The following FEZ2 variants were observed in gnomAD, a reference collection of about 807,000 sequenced individuals.
The protein encoded by FEZ2 is fasciculation and elongation protein zeta 2.
A neutral mutation model predicts 40.4 loss-of-function variants in FEZ2; 51 were observed. That is an observed-to-expected ratio of 1.26 (90% CI 1.01 to 1.59). The LOEUF (loss-of-function observed/expected upper bound fraction) is 1.59. FEZ2 is among the 40% of genes most tolerant of loss of function. FEZ2 has a pLI of 0.00. For missense variants in FEZ2, 640 were observed against 438.3 expected, an observed-to-expected ratio of 1.46 and a Z score of -4.11; for synonymous variants, 242 against 172.0, an observed-to-expected ratio of 1.41 and a Z score of -3.18.
intron 5 of FEZ2, among the ~76,000 whole-genome samples, chr2:36,565,860 C>T (rs796548119): frequency 3.3e-5 from 5 of 152,182 alleles, no homozygotes; most frequent in African/African-American, 1.2e-4. Flanking sequence ...ACCAGGATGC[C>T]AGCAGTACCA....
At chr2:36,554,203 G>C (rs1356902269) in intron 7 of FEZ2, 3 of 471,202 alleles carry the variant, frequency 6.4e-6, no homozygotes, top group African/African-American at 6.0e-5. Context: ...ATGAGGAGCA[G>C]AATTAGATGG....
intron 5 of FEZ2, among the ~76,000 whole-genome samples, chr2:36,573,639 T>C (rs963201083): frequency 1.3e-5 from 2 of 152,232 alleles, no homozygotes; most frequent in Non-Finnish European, 2.9e-5. Context: ...TTTAAAGAGC[T>C]TGCACTCTGT....
chr2:36,588,873 T>C (rs992772230), intron 2 of FEZ2, among the ~76,000 whole-genome samples: 2 of 152,088 alleles, frequency 1.3e-5, no homozygotes, highest in African/African-American at 4.8e-5. Flanking sequence ...GTCAATGAAA[T>C]TGGATTAAAC....
intron 2 of FEZ2, among the ~76,000 whole-genome samples, chr2:36,588,757 GTGT>G (rs1668981589): frequency 6.6e-6 from 1 of 151,076 alleles, no homozygotes; most frequent in African/African-American, 2.4e-5. Context: ...TTCAATTGTT[GTGT>G]TGTTATTTTA....
intron 5 of FEZ2, among the ~76,000 whole-genome samples, chr2:36,571,916 G>A (rs1006624055): frequency 6.6e-6 from 1 of 150,388 alleles, no homozygotes; most frequent in African/African-American, 2.4e-5. Flanking sequence ...TCGGGAGGCT[G>A]AGGCAGGAGA....
chr2:36,578,259 A>G (rs961765548), intron 5 of FEZ2, among the ~76,000 whole-genome samples: 3 of 152,248 alleles, frequency 2.0e-5, no homozygotes, highest in African/African-American at 7.2e-5. Flanking sequence ...CCAAATATAC[A>G]TAACCACTCT....
At chr2:36,584,663 A>G (rs1410229292) in intron 2 of FEZ2, among the ~76,000 whole-genome samples, 1 of 152,242 alleles carries the variant, frequency 6.6e-6, no homozygotes, top group Non-Finnish European at 1.5e-5. Flanking sequence ...ATTCTATTAC[A>G]TAGTGTAGAA....
intron 5 of FEZ2, among the ~76,000 whole-genome samples, chr2:36,566,956 ACT>A (rs3841897): frequency 8.6e-5 from 13 of 150,376 alleles, no homozygotes; most frequent in African/African-American, 1.7e-4. Flanking sequence ...ACACACACAC[ACT>A]CTCTCTCTCT....
At position 36,580,901 on chromosome 2, in the gene FEZ2, TG is replaced by T. The variant is rs1668719581; in HGVS notation, c.634+388del. ...GGCAATGGTGGCTCACGCCTGTAAC[TG>T]CAGCACTTTGGGAGGCTAAGGCGGG... On this transcript the variant is annotated intron_variant, in intron 4 of 7. Transcript: ENST00000405912. Among the ~76,000 whole-genome samples, 35 of 152,262 alleles carry T rather than the reference TG, an allele frequency of 2.3e-4. 1 individual carries two copies. The South Asian group carries it at 7.0e-3, about 31-fold the overall frequency.
At chr2:36,591,195 A>G (rs765683560) in intron 1 of FEZ2, 184 bp from the exon 2 acceptor site, 9 of 589,104 alleles carry the variant, frequency 1.5e-5, no homozygotes, top group Non-Finnish European at 2.7e-5. Flanking sequence ...GAAAAATCAC[A>G]TAACTGGGCT....
intron 1 of FEZ2, among the ~76,000 whole-genome samples, chr2:36,596,323 G>C (rs923852739): frequency 1.3e-5 from 2 of 152,144 alleles, no homozygotes; most frequent in African/African-American, 2.4e-5. Flanking sequence ...AAATCTGTTT[G>C]TTTCACAAAG....
intron 2 of FEZ2, chr2:36,590,620 G>A: frequency 3.3e-6 from 1 of 298,688 alleles, no homozygotes; most frequent in Non-Finnish European, 6.2e-6. Flanking sequence ...GTAAGCCACT[G>A]TACTCCAGCC....
intron 3 of FEZ2, 157 bp from the exon 4 acceptor site, chr2:36,581,588 T>G (rs2125236151): frequency 3.1e-6 from 2 of 635,740 alleles, no homozygotes; most frequent in Middle Eastern, 5.1e-4. Context: ...ATCAAAATTT[T>G]TACTGTAGGA....
At chr2:36,595,163 G>A (rs1178704807) in intron 1 of FEZ2, among the ~76,000 whole-genome samples, 1 of 152,188 alleles carries the variant, frequency 6.6e-6, no homozygotes, top group Non-Finnish European at 1.5e-5. Context: ...CTGAGGCTCA[G>A]AGAAGTTAAA....
intron 5 of FEZ2, among the ~76,000 whole-genome samples, chr2:36,566,288 C>A (rs1321058371): frequency 1.3e-5 from 2 of 150,250 alleles, no homozygotes; most frequent in African/African-American, 2.5e-5. Flanking sequence ...TGCAGTGAGC[C>A]GAGATCGCGC....
intron 3 of FEZ2, among the ~76,000 whole-genome samples, chr2:36,582,866 G>A (rs1033196800): frequency 2.6e-5 from 4 of 152,176 alleles, no homozygotes; most frequent in East Asian, 3.9e-4. Context: ...AAGCTGATTC[G>A]ACTGGTTTTA....
chr2:36,583,197 T>C (rs1668802201), intron 3 of FEZ2, among the ~76,000 whole-genome samples, 156 bp downstream of exon 3: 2 of 152,182 alleles, frequency 1.3e-5, no homozygotes. Flanking sequence ...CAAATACTTA[T>C]TTTTCTCTGT....
intron 3 of FEZ2, among the ~76,000 whole-genome samples, chr2:36,582,913 G>T (rs577972400): frequency 6.6e-6 from 1 of 152,134 alleles, no homozygotes; most frequent in Non-Finnish European, 1.5e-5. Context: ...CGCATTCCAC[G>T]GGAATAATGC....
chr2:36,560,874 G>T (rs375896608), intron 5 of FEZ2: 1 of 1,566,566 alleles, frequency 6.4e-7, no homozygotes, highest in Non-Finnish European at 8.8e-7. Context: ...CGCTAAAGGC[G>T]GCAATATACG....
Sources: gnomAD v4.1 joint callset for allele counts (sites outside exome capture counted in the v4.1 genomes callset) on GRCh38, gnomAD v4.1.1 for gene constraint, MANE v1.5 for transcripts, NCBI Gene and HGNC (gene_info 2026-07-23, HGNC 2026-07-21) for gene names.